The following NKAIN2 variants were observed in gnomAD, a reference collection of about 807,000 sequenced individuals.
The protein encoded by NKAIN2 is sodium/potassium transporting ATPase interacting 2, also known as sodium/potassium-transporting ATPase subunit beta-1-interacting protein 2.
In NKAIN2, 14 loss-of-function variants were observed where a neutral mutation model predicts 32.6. The ratio of observed to expected loss-of-function variants is 0.43; its 90% CI spans 0.28 to 0.67. The LOEUF (loss-of-function observed/expected upper bound fraction) is 0.67, where lower values mean the gene tolerates loss of function less well. NKAIN2 is among the 30% of genes least tolerant of loss of function. NKAIN2 has a pLI of 0.17. For missense variants in NKAIN2, 198 were observed against 258.3 expected, an observed-to-expected ratio of 0.77 and a Z score of 1.60; for synonymous variants, 80 against 87.2, an observed-to-expected ratio of 0.92 and a Z score of 0.46.
At chr6:124,564,189 A>C (rs1327009489) in intron 3 of NKAIN2, among the ~76,000 whole-genome samples, 1 of 152,130 alleles carries the variant, frequency 6.6e-6, no homozygotes, top group African/African-American at 2.4e-5. Context: ...GATTGTAAAC[A>C]CGCCAATCAG....
intron 5 of NKAIN2, among the ~76,000 whole-genome samples, chr6:124,817,409 G>A (rs1214472010): frequency 6.6e-6 from 1 of 152,088 alleles, no homozygotes; most frequent in African/African-American, 2.4e-5. Flanking sequence ...GCTATCAGCT[G>A]ATACATTAGT....
At chr6:124,806,996 T>G (rs910107778) in intron 5 of NKAIN2, among the ~76,000 whole-genome samples, 3 of 152,172 alleles carry the variant, frequency 2.0e-5, no homozygotes, top group Non-Finnish European at 4.4e-5. Flanking sequence ...AAGCAAGTCC[T>G]GAGTGACCTA....
rs200968368 is a variant in NKAIN2 at position 124,791,291 on chromosome 6, G to C, written c.475-48G>C. 1.2e-5 allele frequency: 17 copies of C among 1,433,714 alleles called. No individual in the cohort carries two copies. The East Asian group carries it at 3.7e-4, about 31-fold the overall frequency. 88.8% of individuals were successfully genotyped at this position (1,433,714 alleles called of 1,614,324 possible). A position where few individuals can be genotyped will look rare whatever the true frequency, so the allele number is the denominator to read the frequency against. On this transcript the variant is annotated intron_variant, in intron 4 of 6. Transcript: ENST00000368417. ...AAAAGCCACTCTCCAGTGAGGTCTG[G>C]TGTTGGTGCCTTTTTCTGATGTCTA...
intron 1 of NKAIN2, among the ~76,000 whole-genome samples, chr6:124,043,950 G>A (rs1250899784): frequency 6.6e-6 from 1 of 152,030 alleles, no homozygotes; most frequent in East Asian, 1.9e-4. Flanking sequence ...CAAAAGGTAG[G>A]AACTATGTAT....
chr6:124,138,117 A>G (rs1337925444), intron 1 of NKAIN2, among the ~76,000 whole-genome samples: 1 of 152,212 alleles, frequency 6.6e-6, no homozygotes, highest in African/African-American at 2.4e-5. Flanking sequence ...ACAAATGACT[A>G]ACATCCAGAA....
chr6:124,111,578 CA>C (rs1271575921), intron 1 of NKAIN2, among the ~76,000 whole-genome samples: 4 of 151,952 alleles, frequency 2.6e-5, no homozygotes, highest in Non-Finnish European at 5.9e-5. Flanking sequence ...CACTTTCAGC[CA>C]ATGTGTGTCC....
intron 1 of NKAIN2, among the ~76,000 whole-genome samples, chr6:124,277,428 C>CGTGTGT (rs56300244): frequency 4.3e-4 from 63 of 145,316 alleles, no homozygotes; most frequent in Non-Finnish European, 4.1e-4. Context: ...GTCTGTGTGT[C>CGTGTGT]GTGTGTGTGT....
chr6:124,811,223 T>C (rs1355596463), intron 5 of NKAIN2, among the ~76,000 whole-genome samples: 14 of 152,174 alleles, frequency 9.2e-5, no homozygotes, highest in Non-Finnish European at 1.5e-5. Context: ...TGTCTTTCAG[T>C]GAGTTATTCT....
intron 1 of NKAIN2, among the ~76,000 whole-genome samples, chr6:123,896,456 A>G (rs938386660): frequency 6.6e-6 from 1 of 152,182 alleles, no homozygotes; most frequent in Non-Finnish European, 1.5e-5. Flanking sequence ...AGCCTTAGGT[A>G]GTCAGTGTTA....
intron 1 of NKAIN2, among the ~76,000 whole-genome samples, chr6:124,118,051 T>G (rs1785701002): frequency 1.3e-5 from 2 of 152,094 alleles, no homozygotes; most frequent in South Asian, 4.1e-4. Context: ...CATCAGAGTA[T>G]TAGAGTATTT....
rs575672755 is a variant in NKAIN2, at chr6:124,562,324, C to G, written c.274-95862C>G. ...TGAAGTGCAAATTCACCAGTATATTCAGACTCTCTTAGATCAACAGACTTG... is the reference window on the plus strand; with the variant it reads ...TGAAGTGCAAATTCACCAGTATATTGAGACTCTCTTAGATCAACAGACTTG... On this transcript the variant is annotated intron_variant, in intron 3 of 6. Coordinates refer to ENST00000368417, the MANE Select transcript of NKAIN2 (RefSeq NM_001040214.3). Among the ~76,000 whole-genome samples the G allele has an allele frequency of 7.9e-5, 12 of 152,314 alleles. No individual in the cohort carries two copies. In the South Asian group the frequency reaches 2.3e-3, roughly 29 times the overall value.
At chr6:124,022,835 C>T (rs1562313642) in intron 1 of NKAIN2, among the ~76,000 whole-genome samples, 1 of 151,958 alleles carries the variant, frequency 6.6e-6, no homozygotes, top group Non-Finnish European at 1.5e-5. Context: ...GACTGCTTTG[C>T]ATGAATTCCT....
At chr6:124,736,248 A>C (rs1416035112) in intron 4 of NKAIN2, among the ~76,000 whole-genome samples, 1 of 151,954 alleles carries the variant, frequency 6.6e-6, no homozygotes, top group African/African-American at 2.4e-5. Context: ...AGAGGTGAGG[A>C]AGCTGCAGAA....
chr6:124,066,880 G>A (rs1353976287), intron 1 of NKAIN2, among the ~76,000 whole-genome samples: 1 of 151,810 alleles, frequency 6.6e-6, no homozygotes, highest in Non-Finnish European at 1.5e-5. Context: ...GTGTGTGTGT[G>A]TGTGTGTGTG....
chr6:124,410,746 A>G (rs141120443), intron 3 of NKAIN2, among the ~76,000 whole-genome samples: 6,770 of 152,158 alleles, frequency 0.044, 249 homozygotes, highest in Non-Finnish European at 0.065. Flanking sequence ...ATTCCTGGAT[A>G]TCCTTGTTAA....
intron 4 of NKAIN2, among the ~76,000 whole-genome samples, chr6:124,703,578 A>T (rs1774906600): frequency 1.3e-5 from 2 of 152,082 alleles, no homozygotes; most frequent in Admixed American, 1.3e-4. Flanking sequence ...GGAAAAAAAG[A>T]TACCCAGAAG....
intron 1 of NKAIN2, among the ~76,000 whole-genome samples, chr6:124,005,797 G>T (rs1317945541): frequency 2.0e-5 from 3 of 152,100 alleles, no homozygotes; most frequent in African/African-American, 7.2e-5. Flanking sequence ...ATTCAGAGCT[G>T]GTTTTTGCTA....
chr6:123,809,439 G>T (rs919303373), intron 1 of NKAIN2, among the ~76,000 whole-genome samples: 6 of 151,958 alleles, frequency 3.9e-5, no homozygotes, highest in African/African-American at 1.4e-4. Context: ...CCATTCCCAA[G>T]AGATTAAAGC....
intron 2 of NKAIN2, among the ~76,000 whole-genome samples, chr6:124,332,244 CACAGAG>C (rs1411586562): frequency 4.0e-5 from 6 of 151,242 alleles, no homozygotes; most frequent in African/African-American, 1.2e-4. Flanking sequence ...CACACACACA[CACAGAG>C]AGAGAGAGAG....
Sources: gnomAD v4.1 joint callset for allele counts (sites outside exome capture counted in the v4.1 genomes callset) on GRCh38, gnomAD v4.1.1 for gene constraint, MANE v1.5 for transcripts, NCBI Gene and HGNC (gene_info 2026-07-23, HGNC 2026-07-21) for gene names.